KCNIP4: variants seen among roughly 807,000 people sequenced by gnomAD.
KCNIP4 encodes potassium voltage-gated channel interacting protein 4.
KCNIP4 carries 12 observed loss-of-function variants against 34.0 expected under a neutral mutation model. That is an observed-to-expected ratio of 0.35 (90% CI 0.23 to 0.57). The LOEUF is 0.57. Ranked by LOEUF, KCNIP4 falls within the 20% of genes least tolerant of loss-of-function variation. The pLI, the probability that KCNIP4 is intolerant of heterozygous loss-of-function variation, is 0.83. For missense variants in KCNIP4, 238 were observed against 311.7 expected, an observed-to-expected ratio of 0.76 and a Z score of 1.78; for synonymous variants, 124 against 102.2, an observed-to-expected ratio of 1.21 and a Z score of -1.29.
At chr4:20,911,182 G>A (rs1412104826) in intron 1 of KCNIP4, among the ~76,000 whole-genome samples, 1 of 152,144 alleles carries the variant, frequency 6.6e-6, no homozygotes, top group African/African-American at 2.4e-5. Context: ...TAACTTGCCT[G>A]ACTCTGACAA....
At chr4:21,169,602 T>C (rs1753862673) in intron 1 of KCNIP4, among the ~76,000 whole-genome samples, 1 of 152,030 alleles carries the variant, frequency 6.6e-6, no homozygotes, top group African/African-American at 2.4e-5. Flanking sequence ...GTCACAGTCT[T>C]GGAAATTCTC....
At chr4:21,936,924 C>A (rs780689294) in intron 1 of KCNIP4, among the ~76,000 whole-genome samples, 1 of 152,046 alleles carries the variant, frequency 6.6e-6, no homozygotes. Flanking sequence ...CCTGGTTTCA[C>A]CTCTATCTCC....
At chr4:21,150,969 T>C (rs1752710083) in intron 1 of KCNIP4, among the ~76,000 whole-genome samples, 1 of 152,234 alleles carries the variant, frequency 6.6e-6, no homozygotes, top group Admixed American at 6.5e-5. Context: ...ACCCATTTTG[T>C]ATCTTGTTAT....
At chr4:21,426,855 A>G (rs1377019725) in intron 1 of KCNIP4, among the ~76,000 whole-genome samples, 1 of 151,694 alleles carries the variant, frequency 6.6e-6, no homozygotes, top group Non-Finnish European at 1.5e-5. Context: ...GTAAAATCCA[A>G]GCTGCTTTTT....
At chr4:21,342,143 A>T (rs1716817790) in intron 1 of KCNIP4, among the ~76,000 whole-genome samples, 1 of 152,096 alleles carries the variant, frequency 6.6e-6, no homozygotes, top group Admixed American at 6.6e-5. Context: ...AGCTAAGACA[A>T]GGCACGGGGT....
chr4:20,884,401 C>T (rs1286696330), intron 1 of KCNIP4, among the ~76,000 whole-genome samples: 1 of 150,402 alleles, frequency 6.6e-6, no homozygotes, highest in Non-Finnish European at 1.5e-5. Flanking sequence ...CTCCCCTTGA[C>T]CCCCACCCCC....
At chr4:21,744,514 T>A (rs762602736) in intron 1 of KCNIP4, among the ~76,000 whole-genome samples, 3 of 152,206 alleles carry the variant, frequency 2.0e-5, no homozygotes, top group Non-Finnish European at 4.4e-5. Flanking sequence ...TACAGTCTGA[T>A]AGAGCTATCC....
intron 1 of KCNIP4, among the ~76,000 whole-genome samples, chr4:21,639,224 A>G (rs1044271075): frequency 6.6e-6 from 1 of 152,198 alleles, no homozygotes; most frequent in Non-Finnish European, 1.5e-5. Context: ...AATCAAATGA[A>G]GGCAGCAGGA....
chr4:21,135,143 G>C (rs1188445051), intron 1 of KCNIP4, among the ~76,000 whole-genome samples: 1 of 152,190 alleles, frequency 6.6e-6, no homozygotes, highest in African/African-American at 2.4e-5. Flanking sequence ...TTTTAGAAAA[G>C]ATGGTCAGGT....
At position 20,926,453 on chromosome 4, in the gene KCNIP4, C is replaced by T. The variant is rs144375081; in HGVS notation, c.62-43744G>A. 4.3e-3 allele frequency among the ~76,000 whole-genome samples: 653 copies of T among 152,312 alleles called. 3 individuals are homozygous for T. The highest frequency in any genetic ancestry group is 0.015 in the African/African-American group (622 of 41,566). On this transcript the variant is annotated intron_variant, in intron 1 of 8. Coordinates refer to ENST00000382152, the MANE Select transcript of KCNIP4 (RefSeq NM_025221.6). ...TTTTGCTGCTTATCACAGTATTCAT[C>T]AGAGATAGAACAGAGGTGATTTTAA...
intron 1 of KCNIP4, among the ~76,000 whole-genome samples, chr4:21,302,595 C>G (rs944003349): frequency 2.0e-5 from 3 of 152,172 alleles, no homozygotes; most frequent in South Asian, 2.1e-4. Context: ...AGAACTTATC[C>G]TCTTTCTAGA....
At chr4:21,155,661 C>T (rs536851415) in intron 1 of KCNIP4, among the ~76,000 whole-genome samples, 6 of 152,154 alleles carry the variant, frequency 3.9e-5, no homozygotes, top group African/African-American at 9.6e-5. Flanking sequence ...GACTGGAACA[C>T]GGAAGCTCTA....
intron 1 of KCNIP4, among the ~76,000 whole-genome samples, chr4:20,915,168 A>C (rs1262715933): frequency 6.6e-6 from 1 of 152,200 alleles, no homozygotes; most frequent in Non-Finnish European, 1.5e-5. Flanking sequence ...TATTCTCTAC[A>C]TGAACATTTC....
At chr4:21,721,753 T>C (rs1417539387) in intron 1 of KCNIP4, among the ~76,000 whole-genome samples, 1 of 152,188 alleles carries the variant, frequency 6.6e-6, no homozygotes, top group African/African-American at 2.4e-5. Context: ...ATACTTTTGC[T>C]GCTACATCAA....
chr4:21,611,858 T>G (rs777433941), intron 1 of KCNIP4, among the ~76,000 whole-genome samples: 1 of 152,160 alleles, frequency 6.6e-6, no homozygotes, highest in Non-Finnish European at 1.5e-5. Flanking sequence ...AGACCAACTA[T>G]GGAAGAATCC....
intron 1 of KCNIP4, among the ~76,000 whole-genome samples, chr4:21,805,617 C>T (rs571401624): frequency 1.3e-5 from 2 of 152,258 alleles, no homozygotes; most frequent in South Asian, 2.1e-4. Flanking sequence ...AACAGGAACC[C>T]GAGGCTGTTT....
intron 3 of KCNIP4, among the ~76,000 whole-genome samples, chr4:20,782,656 G>A (rs964725030): frequency 6.6e-6 from 1 of 152,148 alleles, no homozygotes; most frequent in African/African-American, 2.4e-5. Flanking sequence ...ACAGCATGGG[G>A]ACCCTGGGCT....
chr4:20,774,229 T>C (rs1756173068), intron 3 of KCNIP4, among the ~76,000 whole-genome samples: 1 of 152,206 alleles, frequency 6.6e-6, no homozygotes, highest in Admixed American at 6.5e-5. Context: ...TTGTCATGTT[T>C]TCATGTAATA....
At chr4:20,915,591 C>T (rs1728733932) in intron 1 of KCNIP4, among the ~76,000 whole-genome samples, 1 of 152,102 alleles carries the variant, frequency 6.6e-6, no homozygotes, top group African/African-American at 2.4e-5. Flanking sequence ...TCAAGCCACT[C>T]TAGGACATAC....
Sources: gnomAD v4.1 joint callset for allele counts (sites outside exome capture counted in the v4.1 genomes callset) on GRCh38, gnomAD v4.1.1 for gene constraint, MANE v1.5 for transcripts, NCBI Gene and HGNC (gene_info 2026-07-23, HGNC 2026-07-21) for gene names.